The following DMXL1 variants were observed in gnomAD, a reference collection of about 807,000 sequenced individuals.
DMXL1 encodes the protein dmX-like protein 1.
DMXL1 carries 99 observed loss-of-function variants against 319.2 expected under a neutral mutation model. That is an observed-to-expected ratio of 0.31 (90% CI 0.26 to 0.37). The LOEUF (loss-of-function observed/expected upper bound fraction) is 0.37, where lower values mean the gene tolerates loss of function less well. Ranked by LOEUF, DMXL1 falls within the 10% of genes least tolerant of loss-of-function variation. The probability of loss-of-function intolerance (pLI) is 1.00; values close to 1 mark genes in which losing one functional copy is unlikely to be tolerated. For missense variants in DMXL1, 3,745 were observed against 3,595.6 expected, an observed-to-expected ratio of 1.04 and a Z score of -1.06; for synonymous variants, 1,385 against 1,235.2, an observed-to-expected ratio of 1.12 and a Z score of -2.54.
In DMXL1 at chr5:119,088,181, C is replaced by T. The variant is rs550402773; in HGVS notation, c.88-9798C>T. Among the ~76,000 whole-genome samples, 6 of 152,322 alleles carry T rather than the reference C, an allele frequency of 3.9e-5. No homozygotes were observed. The South Asian group carries it at 1.2e-3, about 32-fold the overall frequency. Reference sequence around the variant, plus strand: ...ATTGTTTATACTATTTCTGGATTGACTGCTTTATCGTTATATAGTAATCTT... The same window carrying T: ...ATTGTTTATACTATTTCTGGATTGATTGCTTTATCGTTATATAGTAATCTT... On this transcript the variant is annotated intron_variant, in intron 1 of 43. Transcript: ENST00000539542.
At chr5:119,089,797 T>G (rs1316015500) in intron 1 of DMXL1, among the ~76,000 whole-genome samples, 4 of 151,412 alleles carry the variant, frequency 2.6e-5, no homozygotes, top group Non-Finnish European at 4.4e-5. Flanking sequence ...CAGCTAATTT[T>G]GTATTTTTAG....
rs1773699124 is a variant in DMXL1, at chr5:119,167,620, G to A, written c.5154G>A (p.Leu1718=). 2 of 1,600,088 alleles carry A rather than the reference G, an allele frequency of 1.2e-6. No homozygotes were observed. The highest frequency in any genetic ancestry group is 1.7e-5 in the Admixed American group (1 of 58,180). The part of the protein sequence containing the change: ...RDAIEVCLEK[L]NDIQLALVIA... ...TTTTAAAGGTATGTCTTGAGAAATTGAATGACATTCAGTTGGCTCTTGTAA... is the reference window on the plus strand; with the variant it reads ...TTTTAAAGGTATGTCTTGAGAAATTAAATGACATTCAGTTGGCTCTTGTAA... The change falls in exon 23 of 44, where the codon TTG becomes TTA. Residue 1718 remains leucine (L), a synonymous_variant. Transcript: ENST00000539542.
At chr5:119,105,155 G>A in intron 3 of DMXL1, 25 bp from the exon 4 acceptor site, 1 of 1,486,330 alleles carries the variant, frequency 6.7e-7, no homozygotes, top group African/African-American at 1.4e-5. Flanking sequence ...ATCATAATGG[G>A]CTAAATGACT....
intron 34 of DMXL1, among the ~76,000 whole-genome samples, chr5:119,210,523 T>C (rs543615923): frequency 6.6e-6 from 1 of 152,310 alleles, no homozygotes; most frequent in South Asian, 2.1e-4. Flanking sequence ...GTTACAGCAT[T>C]ATTTCTTGAA....
chr5:119,229,306 C>T (rs757737977), intron 38 of DMXL1, among the ~76,000 whole-genome samples: 2 of 152,078 alleles, frequency 1.3e-5, no homozygotes, highest in Non-Finnish European at 2.9e-5. Context: ...AAAACAAAAT[C>T]TCGATTTTGT....
intron 18 of DMXL1, among the ~76,000 whole-genome samples, chr5:119,150,788 C>G (rs1581032326): frequency 6.6e-6 from 1 of 151,186 alleles, no homozygotes; most frequent in Non-Finnish European, 1.5e-5. Flanking sequence ...GACCCTGTCT[C>G]TTAAAAAAAA....
At position 119,239,603 on chromosome 5, in the gene DMXL1, C is replaced by T. The variant is rs147173654; in HGVS notation, c.8651+523C>T. On this transcript the variant is annotated intron_variant, in intron 41 of 43. Coordinates refer to ENST00000539542, the MANE Select transcript of DMXL1 (RefSeq NM_001290321.3). ...GACTTCATATATTATTATTTGTAAA[C>T]GCATGTTAATCTAAAGTTATTCAAA... 1.0e-3 allele frequency among the ~76,000 whole-genome samples: 158 copies of T among 152,170 alleles called. 1 individual carries two copies. The highest frequency in any genetic ancestry group is 3.6e-3 in the African/African-American group (149 of 41,516).
chr5:119,206,860 CA>C lies in DMXL1; in HGVS notation c.7895del (p.Asn2632IlefsTer3). 6.5e-7 allele frequency: 1 copy of C among 1,528,640 alleles called. No homozygotes were observed. The highest frequency in any genetic ancestry group is 8.8e-7 in the Non-Finnish European group (1 of 1,142,248). The allele number at this position is 1,528,640 out of a possible 1,614,324, so 94.7% of individuals were successfully genotyped here. On this transcript the variant is annotated frameshift_variant, in exon 34 of 44. Transcript: ENST00000539542. LOFTEE classifies it high-confidence loss of function. ...ESLEDNSETI[K>X]NSMMEEPNIN... ...CATTAGAGGACAACAGTGAAACCAT[CA>C]AAAATTCTATGATGGAGGAGCCAAA...
In DMXL1 at chr5:119,170,296, C is replaced by G. The variant is rs767615974; in HGVS notation, c.5505C>G (p.Ser1835=). 1 of 1,613,714 alleles carries G rather than the reference C, an allele frequency of 6.2e-7. No individual in the cohort carries two copies. The highest frequency in any genetic ancestry group is 1.3e-5 in the African/African-American group (1 of 74,900). The part of the protein sequence containing the change: ...RRHFGSSDTF[S]THMSLTGKSG... ...ATTTTGGATCATCTGATACATTTTCCACACATATGAGCCTAACAGGAAAAA... is the reference window on the plus strand; with the variant it reads ...ATTTTGGATCATCTGATACATTTTCGACACATATGAGCCTAACAGGAAAAA... Residue 1835 remains serine (S), a synonymous_variant, in exon 24 of 44, where the codon TCC becomes TCG. Coordinates refer to ENST00000539542, the MANE Select transcript of DMXL1 (RefSeq NM_001290321.3).
At chr5:119,191,683 ATTGT>A (rs913168343) in intron 29 of DMXL1, among the ~76,000 whole-genome samples, 6 of 152,026 alleles carry the variant, frequency 3.9e-5, no homozygotes, top group Admixed American at 1.3e-4. Flanking sequence ...ACCTTCCCTA[ATTGT>A]TTGTTACTGA....
chr5:119,179,407 C>T (rs1165814141), intron 28 of DMXL1, among the ~76,000 whole-genome samples: 4 of 151,156 alleles, frequency 2.6e-5, no homozygotes, highest in African/African-American at 7.3e-5. Flanking sequence ...GACGTTTACA[C>T]TGAACATATG....
intron 1 of DMXL1, among the ~76,000 whole-genome samples, chr5:119,079,188 CTT>C (rs1751644865): frequency 6.6e-6 from 1 of 152,224 alleles, no homozygotes; most frequent in Non-Finnish European, 1.5e-5. Context: ...CCAGTGCTCT[CTT>C]AACTCATATA....
intron 28 of DMXL1, among the ~76,000 whole-genome samples, chr5:119,182,409 A>G (rs1329458951): frequency 6.6e-6 from 1 of 152,196 alleles, no homozygotes; most frequent in Non-Finnish European, 1.5e-5. Context: ...ATTGAAGATG[A>G]AATACCCTTA....
At chr5:119,236,814 C>A (rs983322322) in intron 39 of DMXL1, 1 of 151,920 alleles carries the variant, frequency 6.6e-6, no homozygotes, top group Non-Finnish European at 1.5e-5. Flanking sequence ...AAGAATACCT[C>A]CCTTAGTGGA....
chr5:119,085,365 T>TAAATATA (rs1325823308), intron 1 of DMXL1, among the ~76,000 whole-genome samples: 2 of 150,938 alleles, frequency 1.3e-5, no homozygotes, highest in African/African-American at 2.4e-5. Flanking sequence ...AATAAATAAA[T>TAAATATA]ATAATAATAA....
intron 1 of DMXL1, among the ~76,000 whole-genome samples, chr5:119,072,021 T>C (rs754961630): frequency 6.6e-6 from 1 of 152,130 alleles, no homozygotes; most frequent in Non-Finnish European, 1.5e-5. Context: ...TTAGGAATAG[T>C]GGAGATTGGT....
At chr5:119,092,354 A>T (rs928633053) in intron 1 of DMXL1, among the ~76,000 whole-genome samples, 28 of 151,856 alleles carry the variant, frequency 1.8e-4, no homozygotes, top group African/African-American at 6.8e-4. Context: ...TCCTGGGCTC[A>T]AGCGATCTTT....
intron 34 of DMXL1, among the ~76,000 whole-genome samples, chr5:119,215,388 GTC>G (rs1025858251): frequency 3.3e-4 from 50 of 152,126 alleles, no homozygotes; most frequent in African/African-American, 1.2e-3. Context: ...GCTTACTGCA[GTC>G]TCTGCCTCCT....
chr5:119,128,189 T>G, intron 9 of DMXL1: 1 of 445,736 alleles, frequency 2.2e-6, no homozygotes, highest in Non-Finnish European at 4.3e-6. Flanking sequence ...TGCACGGTCT[T>G]TTTAATTCTG....
Sources: gnomAD v4.1 joint callset for allele counts (sites outside exome capture counted in the v4.1 genomes callset) on GRCh38, gnomAD v4.1.1 for gene constraint, MANE v1.5 for transcripts, NCBI Gene and HGNC (gene_info 2026-07-23, HGNC 2026-07-21) for gene names.